The following VWDE variants were observed in gnomAD, a reference collection of about 807,000 sequenced individuals.
VWDE encodes the protein von Willebrand factor D and EGF domain-containing protein.
VWDE carries 207 observed loss-of-function variants against 178.4 expected under a neutral mutation model. The ratio of observed to expected loss-of-function variants is 1.16; its 90% CI spans 1.04 to 1.30. The LOEUF (loss-of-function observed/expected upper bound fraction) is 1.30. Ranked by LOEUF, VWDE falls within the 50% of genes most tolerant of loss-of-function variation. VWDE has a pLI of 0.00. For missense variants in VWDE, 2,287 were observed against 1,901.3 expected (o/e 1.20, Z -3.77); for synonymous variants, 738 against 651.4 (o/e 1.13, Z -2.02).
intron 23 of VWDE, 101 bp downstream of exon 23, chr7:12,341,958 C>A (rs1245475745): frequency 7.1e-6 from 6 of 844,086 alleles, no homozygotes; most frequent in Non-Finnish European, 9.4e-6. Flanking sequence ...ATCTACCTGT[C>A]TTGTCAGGTC....
At chr7:12,347,722 A>G (rs1178860392) in intron 19 of VWDE, among the ~76,000 whole-genome samples, 1 of 152,054 alleles carries the variant, frequency 6.6e-6, no homozygotes, top group Non-Finnish European at 1.5e-5. Flanking sequence ...GGAAAAAACT[A>G]CTTTAAAGTT....
intron 3 of VWDE, among the ~76,000 whole-genome samples, chr7:12,385,090 A>G (rs1464225355): frequency 1.3e-5 from 2 of 152,090 alleles, no homozygotes; most frequent in Non-Finnish European, 2.9e-5. Flanking sequence ...AATTGCTTTG[A>G]TTACAATTAT....
In VWDE at chr7:12,380,750, T is replaced by A; in HGVS notation, c.542-17A>T. ...CCAGCTGACCTGGGGAGAAAATGCA[T>A]AATTTGTAACTGGGAATCTTAGACA... On this transcript the variant is annotated splice_polypyrimidine_tract_variant and intron_variant, in intron 4 of 28. Transcript: ENST00000275358. 1 of 1,550,290 alleles carries A rather than the reference T, an allele frequency of 6.5e-7. No individual in the cohort carries two copies. Among genetic ancestry groups the A allele is most frequent in the Non-Finnish European group, 8.7e-7 (1 of 1,146,234 alleles).
intron 24 of VWDE, among the ~76,000 whole-genome samples, chr7:12,339,237 C>G (rs558529663): frequency 6.6e-6 from 1 of 152,168 alleles, no homozygotes; most frequent in Non-Finnish European, 1.5e-5. Flanking sequence ...GAGATTTCTT[C>G]CTTTATCCAC....
chr7:12,343,513 A>AT (rs1451842587), intron 21 of VWDE, among the ~76,000 whole-genome samples: 1 of 152,112 alleles, frequency 6.6e-6, no homozygotes, highest in Non-Finnish European at 1.5e-5. Context: ...TTCATATGCT[A>AT]TTTTTATTGA....
intron 18 of VWDE, among the ~76,000 whole-genome samples, chr7:12,355,098 T>A (rs1373581599): frequency 6.6e-6 from 1 of 152,146 alleles, no homozygotes; most frequent in African/African-American, 2.4e-5. Flanking sequence ...AGAAAAGAGA[T>A]CTACATTCAT....
chr7:12,370,764 C>T lies in VWDE; in HGVS notation c.1688G>A (p.Gly563Glu). 2 of 1,550,342 alleles carry T rather than the reference C, an allele frequency of 1.3e-6. No individual in the cohort carries two copies. The highest frequency in any genetic ancestry group is 1.7e-6 in the Non-Finnish European group (2 of 1,146,432). ...APSVDYRNTL[G>E]LCGTFDENPE... is the part of the protein sequence containing the mutation. ...ATTTTCATCAAAGGTTCCACAAAGT[C>T]CCAGAGTGTTTCTGTAATCTACACT... The change falls in exon 11 of 29, where the codon GGA (glycine) becomes GAA (glutamate). Residue 563 changes from glycine (G) to glutamate (E), a missense_variant. Physicochemically the swap from Gly to Glu is moderately conservative, Grantham distance 98. Coordinates refer to ENST00000275358, the MANE Select transcript of VWDE (RefSeq NM_001135924.3).
chr7:12,396,409 A>G (rs1171106499), intron 1 of VWDE, among the ~76,000 whole-genome samples: 1 of 152,224 alleles, frequency 6.6e-6, no homozygotes, highest in Non-Finnish European at 1.5e-5. Context: ...CAATTATAAA[A>G]TCTTCTGTAT....
intron 23 of VWDE, 112 bp from the exon 24 acceptor site, chr7:12,340,529 T>C (rs539130365): frequency 4.3e-6 from 3 of 697,422 alleles, no homozygotes; most frequent in Non-Finnish European, 7.2e-6. Flanking sequence ...TTACTGCAAG[T>C]AAAGCCCATA....
At chr7:12,356,374 T>C in intron 17 of VWDE, 44 bp from the exon 18 acceptor site, 1 of 1,487,590 alleles carries the variant, frequency 6.7e-7, no homozygotes, top group Admixed American at 2.0e-5. Context: ...TTCAATAAAA[T>C]TATCTTCAGT....
At chr7:12,376,565 A>T (rs1224148896) in intron 7 of VWDE, among the ~76,000 whole-genome samples, 1 of 152,114 alleles carries the variant, frequency 6.6e-6, no homozygotes, top group Admixed American at 6.6e-5. Flanking sequence ...AACTGAAGAA[A>T]ATCTTTGACT....
intron 27 of VWDE, 115 bp downstream of exon 27, chr7:12,336,026 G>T: frequency 3.7e-6 from 3 of 816,926 alleles, no homozygotes; most frequent in South Asian, 1.8e-5. Context: ...TTTTAAAAAG[G>T]ATCAGCATGC....
intron 5 of VWDE, among the ~76,000 whole-genome samples, chr7:12,380,174 CGT>C (rs1783766196): frequency 6.6e-6 from 1 of 150,722 alleles, no homozygotes; most frequent in African/African-American, 2.4e-5. Context: ...CTAGAATAAA[CGT>C]ATATAATTTT....
At chr7:12,336,872 G>T in intron 26 of VWDE, 116 bp downstream of exon 26, 2 of 952,996 alleles carry the variant, frequency 2.1e-6, no homozygotes, top group Non-Finnish European at 3.1e-6. Context: ...GAATAAATAT[G>T]CAAAAATTTT....
chr7:12,372,952 T>C, intron 10 of VWDE, 25 bp downstream of exon 10: 3 of 1,536,430 alleles, frequency 2.0e-6, no homozygotes, highest in Non-Finnish European at 2.6e-6. Flanking sequence ...GAAAAATACT[T>C]TCAATGTTAA....
rs1251134224 is a variant in VWDE at position 12,361,495 on chromosome 7, T to G, written c.2925A>C (p.Gly975=). ...AAACAGTCTGTGTATAGATGGGTTC[T>G]CCAGGCATCCATTCACTGCTATTAT... ...LQYNSSEWMP[G]EPIYTQTVFH... is the part of the protein sequence containing the mutation. The change falls in exon 14 of 29, where the codon GGA becomes GGC. Residue 975 remains glycine (G), a synonymous_variant. Transcript: ENST00000275358. 6.5e-7 allele frequency: 1 copy of G among 1,549,518 alleles called. No individual in the cohort carries two copies. The highest frequency in any genetic ancestry group is 1.4e-5 in the African/African-American group (1 of 73,030).
intron 19 of VWDE, among the ~76,000 whole-genome samples, chr7:12,348,423 A>G (rs1236417594): frequency 8.2e-6 from 1 of 122,264 alleles, no homozygotes; most frequent in Non-Finnish European, 1.7e-5. Flanking sequence ...AAGGACATGA[A>G]CAGACACTTC....
chr7:12,374,858 T>A (rs1783426345), intron 8 of VWDE, 96 bp from the exon 9 acceptor site: 1 of 1,136,520 alleles, frequency 8.8e-7, no homozygotes, highest in Non-Finnish European at 1.2e-6. Flanking sequence ...TTTCAATTAA[T>A]TATTGTTTTT....
intron 3 of VWDE, among the ~76,000 whole-genome samples, chr7:12,386,907 T>TCC (rs1784124478): frequency 6.6e-6 from 1 of 152,196 alleles, no homozygotes; most frequent in South Asian, 2.1e-4. Flanking sequence ...TAAGCATAAC[T>TCC]CCAGCAGTAC....
Sources: allele counts gnomAD v4.1 joint callset (sites outside exome capture counted in the v4.1 genomes callset), GRCh38; gene constraint gnomAD v4.1.1; transcripts MANE v1.5; gene names NCBI Gene and HGNC (gene_info 2026-07-23, HGNC 2026-07-21).